The following PIK3CD variants were observed in gnomAD, a reference collection of about 807,000 sequenced individuals.
PIK3CD encodes phosphatidylinositol 4,5-bisphosphate 3-kinase catalytic subunit delta isoform.
PIK3CD carries 20 observed loss-of-function variants against 122.9 expected under a neutral mutation model. The observed-to-expected ratio is 0.16, with a 90% CI of 0.11 to 0.24. PIK3CD has a LOEUF of 0.24. Ranked by LOEUF, PIK3CD falls within the 10% of genes least tolerant of loss-of-function variation. The pLI, the probability that PIK3CD is intolerant of heterozygous loss-of-function variation, is 1.00. For missense variants in PIK3CD, 787 were observed against 1,406.3 expected, an observed-to-expected ratio of 0.56 and a Z score of 7.04; for synonymous variants, 596 against 593.4, an observed-to-expected ratio of 1.00 and a Z score of -0.06.
upstream of PIK3CD, among the ~76,000 whole-genome samples, chr1:9,647,481 A>AACTATTATT (rs1644619509): frequency 1.1e-4 from 15 of 139,450 alleles, no homozygotes. Flanking sequence ...TCATGATTCT[A>AACTATTATT]ATTATTATTA....
the PIK3CD span, among the ~76,000 whole-genome samples, chr1:9,629,200 C>A: frequency 1.2e-4 from 19 of 152,196 alleles, no homozygotes; most frequent in African/African-American, 4.3e-4. Flanking sequence ...GCTCTGAGTC[C>A]TGGGGCTTCA....
At chr1:9,638,905 A>G in the PIK3CD span, among the ~76,000 whole-genome samples, 1 of 149,742 alleles carries the variant, frequency 6.7e-6, no homozygotes, top group Non-Finnish European at 1.5e-5. Context: ...CCTCAGGAGG[A>G]GCTGGGACTA....
rs774135672 is a variant in PIK3CD at position 9,722,646 on chromosome 1, C to T, written c.2426+40C>T. The T allele has an allele frequency of 1.3e-6, 2 of 1,542,904 alleles. No homozygotes were observed. The highest frequency in any genetic ancestry group is 2.2e-5 in the South Asian group (2 of 89,478). On this transcript the variant is annotated intron_variant, in intron 19 of 23. Transcript: ENST00000377346. The surrounding 1 kb of genome is among the most constrained non-coding windows in gnomAD (Gnocchi z 7.6). The stretch of plus-strand genomic sequence containing the variant: ...CCCACATCGTCCCTTGGTGTCTGTG[C>T]CCAGCCTGGGAGTCTGTGCCCCTGG...
chr1:9,709,365 T>G (rs547816922), intron 2 of PIK3CD, among the ~76,000 whole-genome samples: 6 of 151,448 alleles, frequency 4.0e-5, no homozygotes, highest in African/African-American at 1.5e-4. Context: ...TTTTAACAAA[T>G]TATTGGATGA....
intron 1 of PIK3CD, among the ~76,000 whole-genome samples, chr1:9,674,401 C>T (rs187930872): frequency 1.3e-5 from 2 of 152,190 alleles, no homozygotes; most frequent in African/African-American, 4.8e-5. Flanking sequence ...GAAGGTTGGC[C>T]GGGCGCGGTG....
At chr1:9,659,485 C>T (rs1644951947) in intron 1 of PIK3CD, among the ~76,000 whole-genome samples, 1 of 152,172 alleles carries the variant, frequency 6.6e-6, no homozygotes, top group Admixed American at 6.5e-5. Context: ...CGCCCACCCT[C>T]AGGCATTTTT....
At chr1:9,686,365 CTT>C (rs59087456) in intron 1 of PIK3CD, among the ~76,000 whole-genome samples, 28 of 137,598 alleles carry the variant, frequency 2.0e-4, no homozygotes, top group Non-Finnish European at 2.2e-4. Flanking sequence ...GGCTAATTTT[CTT>C]TTTTTTTTTT....
At chr1:9,670,150 CAAAA>C (rs375500599) in intron 1 of PIK3CD, among the ~76,000 whole-genome samples, 4,451 of 60,246 alleles carry the variant, frequency 0.074, 178 homozygotes, top group African/African-American at 0.16. Context: ...AATTCCACCT[CAAAA>C]AAAAAAAAAA....
chr1:9,709,804 C>T (rs1157086120), intron 2 of PIK3CD, among the ~76,000 whole-genome samples: 4 of 152,016 alleles, frequency 2.6e-5, no homozygotes, highest in Admixed American at 1.3e-4. Context: ...GTTAGGAGTT[C>T]AAGACCAGTC....
chr1:9,654,681 G>A (rs938523378), intron 1 of PIK3CD: 12 of 351,516 alleles, frequency 3.4e-5, no homozygotes, highest in Non-Finnish European at 5.6e-5. Context: ...AGCAGTTCCC[G>A]CCCTCCCTGA....
rs1647624099 is a variant in PIK3CD, at chr1:9,717,174, G to A, written c.930+66G>A. 1.9e-6 allele frequency: 3 copies of A among 1,588,662 alleles called. No individual in the cohort carries two copies. The highest frequency in any genetic ancestry group is 1.3e-5 in the African/African-American group (1 of 74,490). On this transcript the variant is annotated intron_variant, in intron 7 of 23. Transcript: ENST00000377346. This position sits in a 1 kb window ranked among gnomAD's most constrained non-coding sequence, Gnocchi z 5.4. ...CTTTCCACCTGGCGTCCAACTCCAT[G>A]TGCTACTGGCCATGGGTCCAGGGGC...
Position 9,720,998 on chromosome 1 carries a change from CTCACCCTGGCCAACCT to C in PIK3CD, c.1689+98_1690-105del, listed in dbSNP as rs1424280586. On this transcript the variant is annotated intron_variant, in intron 13 of 23. Transcript: ENST00000377346. This position sits in a 1 kb window ranked among gnomAD's most constrained non-coding sequence, Gnocchi z 9.0. ...ACCCTGACCCCGGCCAACCCCCACC[CTCACCCTGGCCAACCT>C]TCACCCTGACCCTGGCCACCCACCA... 1 of 1,466,052 alleles carries C rather than the reference CTCACCCTGGCCAACCT, an allele frequency of 6.8e-7. No individual in the cohort carries two copies. Among genetic ancestry groups the C allele is most frequent in the Non-Finnish European group, 9.3e-7 (1 of 1,080,004 alleles). The allele number at this position is 1,466,052 out of a possible 1,614,324, so 90.8% of individuals were successfully genotyped here. A position where few individuals can be genotyped will look rare whatever the true frequency, so the allele number is the denominator to read the frequency against.
the PIK3CD span, among the ~76,000 whole-genome samples, chr1:9,635,594 A>G: frequency 2.6e-5 from 4 of 152,108 alleles, no homozygotes; most frequent in South Asian, 6.2e-4. Flanking sequence ...GGTCTTATCA[A>G]CTTGGATAGG....
At chr1:9,675,334 C>T (rs1251602311) in intron 1 of PIK3CD, among the ~76,000 whole-genome samples, 2 of 140,394 alleles carry the variant, frequency 1.4e-5, no homozygotes, top group Non-Finnish European at 3.0e-5. Flanking sequence ...TGCAGTGAGC[C>T]GAGATTGCGC....
Position 9,724,568 on chromosome 1 carries a change from G to A in PIK3CD, c.2864+147G>A. ...CCAACTGTTGATGGGTTTGGAACAT[G>A]CCCCTGCTCCACCCTGCAGTGCCCC... On this transcript the variant is annotated intron_variant, in intron 22 of 23. Coordinates refer to ENST00000377346, the MANE Select transcript of PIK3CD (RefSeq NM_005026.5). The surrounding 1 kb of genome is among the most constrained non-coding windows in gnomAD (Gnocchi z 7.3). 2 of 1,088,470 alleles carry A rather than the reference G, an allele frequency of 1.8e-6. No individual in the cohort carries two copies. Among genetic ancestry groups the A allele is most frequent in the South Asian group, 2.7e-5 (2 of 73,726 alleles). 67.4% of individuals were successfully genotyped at this position (1,088,470 alleles called of 1,614,324 possible). A position where few individuals can be genotyped will look rare whatever the true frequency, so the allele number is the denominator to read the frequency against.
Position 9,715,455 on chromosome 1 carries a change from G to A in PIK3CD, c.142-86G>A. ...TCTGGGAGGTTTGGACCCCCAGGCTGGAGGCCAGCTCTCCACCCTCCCTCA... is the reference window on the plus strand; with the variant it reads ...TCTGGGAGGTTTGGACCCCCAGGCTAGAGGCCAGCTCTCCACCCTCCCTCA... On this transcript the variant is annotated intron_variant, in intron 3 of 23. Transcript: ENST00000377346. The surrounding 1 kb of genome is among the most constrained non-coding windows in gnomAD (Gnocchi z 4.1). 8.3e-7 allele frequency: 1 copy of A among 1,202,096 alleles called. No homozygotes were observed. The highest frequency in any genetic ancestry group is 2.5e-4 in the Middle Eastern group (1 of 4,004). The allele number at this position is 1,202,096 out of a possible 1,614,324, so 74.5% of individuals were successfully genotyped here. A position where few individuals can be genotyped will look rare whatever the true frequency, so the allele number is the denominator to read the frequency against.
At chr1:9,628,382 A>G in the PIK3CD span, among the ~76,000 whole-genome samples, 1 of 152,232 alleles carries the variant, frequency 6.6e-6, no homozygotes, top group Admixed American at 6.5e-5. Context: ...AGAATATACT[A>G]GAAGGATAGC....
rs777338647 is a variant in PIK3CD at position 9,722,074 on chromosome 1, A to T, written c.2155A>T (p.Met719Leu). 3.1e-6 allele frequency: 5 copies of T among 1,613,612 alleles called. No homozygotes were observed. In the South Asian group the frequency reaches 5.5e-5, roughly 18 times the overall value. The change falls in exon 17 of 24, where the codon ATG becomes TTG. Residue 719 changes from methionine to leucine, a missense_variant. Physicochemically the swap from Met to Leu is conservative, Grantham distance 15 (BLOSUM62 2). Around this residue, in one of 6 missense-constraint regions of PIK3CD, gnomAD observed 48 missense variants for 71.9 expected, o/e 0.67. Coordinates refer to ENST00000377346, the MANE Select transcript of PIK3CD (RefSeq NM_005026.5). The surrounding 1 kb of genome is among the most constrained non-coding windows in gnomAD (Gnocchi z 7.6). ...GACCAAGGAGCTGATGCACTTGTGC[A>T]TGCGGCAGGAGGCCTACCTAGAGGC... ...PQTKELMHLC[M>L]RQEAYLEALS...
rs1274064843 is a variant in PIK3CD, at chr1:9,719,548, C to CT, written c.1243-372dup. ...TGGAGGCACATGCCTGTAATCTCAG[C>CT]TACTTGGGAGGCTGAGGCAGGATAA... On this transcript the variant is annotated intron_variant, in intron 9 of 23. Coordinates refer to ENST00000377346, the MANE Select transcript of PIK3CD (RefSeq NM_005026.5). This position sits in a 1 kb window ranked among gnomAD's most constrained non-coding sequence, Gnocchi z 5.5. Among the ~76,000 whole-genome samples, 1 of 151,978 alleles carries CT rather than the reference C, an allele frequency of 6.6e-6. No individual in the cohort carries two copies. Among genetic ancestry groups the CT allele is most frequent in the African/African-American group, 2.4e-5 (1 of 41,378 alleles).
Sources: gnomAD v4.1 joint callset for allele counts (sites outside exome capture counted in the v4.1 genomes callset) on GRCh38, gnomAD v4.1.1 for gene constraint, gnomAD v4.1.1 regional missense constraint, Gnocchi (gnomAD v3.1) non-coding constraint, MANE v1.5 for transcripts, NCBI Gene and HGNC (gene_info 2026-07-23, HGNC 2026-07-21) for gene names.